The following TDRD1 variants were observed in gnomAD, a reference collection of about 807,000 sequenced individuals.
TDRD1 encodes tudor domain-containing protein 1.
Under a neutral mutation model 140.6 loss-of-function variants are expected in TDRD1, and 37 were observed. The ratio of observed to expected loss-of-function variants is 0.26; its 90% CI spans 0.20 to 0.35. The LOEUF is 0.35. TDRD1 is among the 10% of genes least tolerant of loss of function. The pLI is 1.00. For missense variants in TDRD1, 1,243 were observed against 1,393.0 expected (o/e 0.89, Z 1.71); for synonymous variants, 506 against 475.7 (o/e 1.06, Z -0.83).
intron 11 of TDRD1, among the ~76,000 whole-genome samples, chr10:114,206,611 G>GTTTTTT (rs33936742): frequency 7.5e-5 from 8 of 105,986 alleles, no homozygotes; most frequent in African/African-American, 1.4e-4. Flanking sequence ...GTTAGGGTTT[G>GTTTTTT]TTTTTTTTTT....
upstream of TDRD1, among the ~76,000 whole-genome samples, chr10:114,178,679 G>A (rs79556620): frequency 0.012 from 1,873 of 152,264 alleles, 18 homozygotes; most frequent in South Asian, 0.044. Context: ...GGAGGACTAT[G>A]CTGGGGGCCA....
chr10:114,191,422 T>C (rs1159507745), intron 3 of TDRD1, among the ~76,000 whole-genome samples: 1 of 152,222 alleles, frequency 6.6e-6, no homozygotes, highest in Admixed American at 6.5e-5. Flanking sequence ...GCCACTGATA[T>C]GCATATTTCG....
exon 17 of TDRD1, chr10:114,217,564 T>C (rs745469695): frequency 1.3e-6 from 2 of 1,585,898 alleles, no homozygotes; most frequent in Non-Finnish European, 1.7e-6. Flanking sequence ...AACTCAATGA[T>C]TTGAACAAGT....
Position 114,208,881 on chromosome 10 carries a change from C to A in TDRD1, c.1385-1700C>A, listed in dbSNP as rs567022894. Among the ~76,000 whole-genome samples the A allele has an allele frequency of 2.6e-5, 4 of 151,656 alleles. No homozygotes were observed. In the East Asian group the frequency reaches 7.8e-4, roughly 29 times the overall value. On this transcript the variant is annotated intron_variant, in intron 11 of 25. Transcript: ENST00000251864. ...CTCCGCCTCCTAGGTTCAAGTGATT[C>A]TCCTGCTTCAGCCTCCCAAGTGGCT...
At chr10:114,193,120 T>C (rs941457441) in intron 3 of TDRD1, among the ~76,000 whole-genome samples, 8 of 152,268 alleles carry the variant, frequency 5.3e-5, no homozygotes, top group African/African-American at 1.9e-4. Context: ...TATTTTGTAG[T>C]TTTTAGCTTA....
rs376047365 is a variant in TDRD1 at position 114,204,705 on chromosome 10, T to A, written c.1126-17T>A. 87 of 1,564,570 alleles carry A rather than the reference T, an allele frequency of 5.6e-5. No homozygotes were observed. The highest frequency in any genetic ancestry group is 7.0e-5 in the Non-Finnish European group (82 of 1,165,794). The stretch of plus-strand genomic sequence containing the variant: ...TAAATGGTAATTTTTGTAAGTAACC[T>A]GCGTAAAATTTTTCAGGCCATAAAG... On this transcript the variant is annotated splice_polypyrimidine_tract_variant and intron_variant, in intron 9 of 25. Coordinates refer to ENST00000251864, the Ensembl canonical transcript of TDRD1.
intron 21 of TDRD1, among the ~76,000 whole-genome samples, chr10:114,223,544 C>T (rs2036268620): frequency 6.6e-6 from 1 of 152,214 alleles, no homozygotes; most frequent in African/African-American, 2.4e-5. Context: ...TGGGGACCTT[C>T]AAACTTCATG....
chr10:114,193,964 CTTCTT>C (rs1302535963), intron 3 of TDRD1, among the ~76,000 whole-genome samples: 2 of 152,144 alleles, frequency 1.3e-5, no homozygotes, highest in Non-Finnish European at 2.9e-5. Flanking sequence ...ATGGTAGTGA[CTTCTT>C]TTCCTTTAGT....
chr10:114,182,771 G>A (rs1354981177), intron 1 of TDRD1, among the ~76,000 whole-genome samples: 15 of 150,930 alleles, frequency 9.9e-5, no homozygotes, highest in Admixed American at 2.7e-4. Context: ...CTGCAAGCTC[G>A]CCTCCTGGGT....
intron 20 of TDRD1, among the ~76,000 whole-genome samples, chr10:114,221,757 A>G (rs2036158973): frequency 6.6e-6 from 1 of 152,220 alleles, no homozygotes; most frequent in South Asian, 2.1e-4. Context: ...TAAAAAACAC[A>G]TTATCTATAT....
chr10:114,203,001 G>A (rs1399238639), intron 6 of TDRD1, 71 bp from the exon 7 acceptor site: 3 of 981,946 alleles, frequency 3.1e-6, no homozygotes, highest in East Asian at 2.4e-5. Context: ...CAGTTCCGAC[G>A]TGTAGTGGCC....
chr10:114,211,617 C>T (rs1056846353), intron 13 of TDRD1, among the ~76,000 whole-genome samples: 8 of 152,192 alleles, frequency 5.3e-5, no homozygotes, highest in Non-Finnish European at 1.0e-4. Context: ...AATGAGCTAA[C>T]TCTACTGGAG....
chr10:114,229,617 C>T (rs1364875948), intron 25 of TDRD1, among the ~76,000 whole-genome samples: 4 of 142,506 alleles, frequency 2.8e-5, no homozygotes, highest in East Asian at 2.0e-4. Context: ...GGCGTGATCT[C>T]GGCTCACTGC....
chr10:114,227,295 T>G, exon 23 of TDRD1: 1 of 1,602,588 alleles, frequency 6.2e-7, no homozygotes, highest in South Asian at 1.1e-5. Flanking sequence ...GTGCTTTAAA[T>G]ACAGGTATTC....
chr10:114,229,880 G>C (rs1269691716), intron 25 of TDRD1, among the ~76,000 whole-genome samples: 1 of 150,436 alleles, frequency 6.6e-6, no homozygotes, highest in African/African-American at 2.5e-5. Context: ...GTCCAGGCTG[G>C]AGTGCAGTGG....
upstream of TDRD1, among the ~76,000 whole-genome samples, chr10:114,178,731 G>A (rs973802339): frequency 1.9e-4 from 29 of 152,084 alleles, no homozygotes; most frequent in Admixed American, 8.5e-4. Context: ...TACAATTCTC[G>A]GATTTGCTTC....
At chr10:114,189,148 A>T (rs2033775642) in intron 2 of TDRD1, among the ~76,000 whole-genome samples, 1 of 152,202 alleles carries the variant, frequency 6.6e-6, no homozygotes, top group Admixed American at 6.5e-5. Context: ...TCATGCACTT[A>T]AAAGGAAAAC....
chr10:114,191,237 C>T (rs566084980), intron 3 of TDRD1, among the ~76,000 whole-genome samples: 2 of 152,176 alleles, frequency 1.3e-5, no homozygotes, highest in African/African-American at 2.4e-5. Context: ...TCACCTATTT[C>T]GCCCATGTTA....
At chr10:114,227,176 A>T (rs2036484963) in exon 23 of TDRD1, 1 of 1,612,170 alleles carries the variant, frequency 6.2e-7, no homozygotes. Context: ...AATTACAAAG[A>T]ATGTCCATAC....
Sources: gnomAD v4.1 joint callset for allele counts (sites outside exome capture counted in the v4.1 genomes callset) on GRCh38, gnomAD v4.1.1 for gene constraint, MANE v1.5 for transcripts, NCBI Gene and HGNC (gene_info 2026-07-23, HGNC 2026-07-21) for gene names.